The following UBE3D variants were observed in gnomAD, a reference collection of about 807,000 sequenced individuals.
The protein encoded by UBE3D is ubiquitin protein ligase E3D, also known as E3 ubiquitin-protein ligase E3D.
UBE3D carries 48 observed loss-of-function variants against 49.6 expected under a neutral mutation model. That is an observed-to-expected ratio of 0.97 (90% CI 0.77 to 1.23). UBE3D has a LOEUF of 1.23. Among genes scored for constraint, UBE3D ranks in the 50% most tolerant of loss-of-function variants. The pLI is 0.00. For synonymous variants in UBE3D, 189 were observed against 174.2 expected, an observed-to-expected ratio of 1.08 and a Z score of -0.67; for missense variants, 452 against 468.4, an observed-to-expected ratio of 0.96 and a Z score of 0.32.
chr6:82,922,852 A>C (rs1017617430), intron 9 of UBE3D, among the ~76,000 whole-genome samples: 1 of 152,242 alleles, frequency 6.6e-6, no homozygotes, highest in African/African-American at 2.4e-5. Context: ...TCTACAAAGA[A>C]GGTAAACAAA....
chr6:82,986,469 TCAAAAA>T (rs1249566374), intron 8 of UBE3D, among the ~76,000 whole-genome samples: 1 of 43,782 alleles, frequency 2.3e-5, no homozygotes, highest in Non-Finnish European at 3.8e-5. Context: ...ACACTCTGTC[TCAAAAA>T]AAAAAAAAAA....
chr6:83,032,533 C>G (rs1781952620), intron 5 of UBE3D, among the ~76,000 whole-genome samples: 1 of 152,158 alleles, frequency 6.6e-6, no homozygotes, highest in Non-Finnish European at 1.5e-5. Flanking sequence ...TGCCTTGTAT[C>G]CGATGAGACT....
chr6:82,964,343 A>G (rs1724591538), intron 8 of UBE3D, among the ~76,000 whole-genome samples: 1 of 152,206 alleles, frequency 6.6e-6, no homozygotes, highest in Non-Finnish European at 1.5e-5. Flanking sequence ...TTAATGTAAC[A>G]CAGGTTAAAA....
At chr6:83,059,129 C>A (rs1295743119) in intron 1 of UBE3D, among the ~76,000 whole-genome samples, 2 of 152,060 alleles carry the variant, frequency 1.3e-5, no homozygotes, top group African/African-American at 4.8e-5. Context: ...CTCCTCTAAT[C>A]CTAGCACTTT....
chr6:83,042,424 C>A (rs1257430726), intron 4 of UBE3D, among the ~76,000 whole-genome samples: 1 of 152,170 alleles, frequency 6.6e-6, no homozygotes, highest in Non-Finnish European at 1.5e-5. Flanking sequence ...TTTTTAAAAG[C>A]AGATCTTTTT....
intron 5 of UBE3D, among the ~76,000 whole-genome samples, chr6:83,035,429 T>G (rs185897541): frequency 1.7e-3 from 264 of 152,352 alleles, no homozygotes; most frequent in Non-Finnish European, 2.4e-3. Context: ...GAGACTTTGT[T>G]ATTTGCAAAA....
chr6:83,011,545 T>C (rs1306995224), intron 8 of UBE3D, among the ~76,000 whole-genome samples: 1 of 152,206 alleles, frequency 6.6e-6, no homozygotes, highest in Non-Finnish European at 1.5e-5. Context: ...GGATCTCCTG[T>C]ATTTCATGCA....
intron 5 of UBE3D, chr6:83,037,104 A>G (rs1782318527): frequency 6.6e-6 from 1 of 152,294 alleles, no homozygotes; most frequent in African/African-American, 2.4e-5. Flanking sequence ...TAGTAGCTGT[A>G]TATATACACT....
In UBE3D at chr6:83,044,472, G is replaced by A; in HGVS notation, c.553C>T (p.Pro185Ser). The change falls in exon 4 of 10, where the codon CCA becomes TCA. Residue 185 changes from proline (P) to serine (S), a missense_variant. Pro to Ser is a moderately conservative substitution (Grantham distance 74). Transcript: ENST00000369747. ...GAAGAAACACAGCACATCTCCACTG[G>A]GGATAGTTCAGGTCTTTGCTGCCAC... ...SLWQQRPELS[P>S]VEMCCVSSDN... The A allele has an allele frequency of 1.2e-6, 2 of 1,614,028 alleles. No homozygotes were observed. The highest frequency in any genetic ancestry group is 1.6e-4 in the Middle Eastern group (1 of 6,062).
At chr6:83,059,136 C>G (rs1784002919) in intron 1 of UBE3D, among the ~76,000 whole-genome samples, 1 of 152,068 alleles carries the variant, frequency 6.6e-6, no homozygotes, top group Non-Finnish European at 1.5e-5. Context: ...AATCCTAGCA[C>G]TTTGGGAGGC....
intron 7 of UBE3D, among the ~76,000 whole-genome samples, chr6:83,021,946 G>A (rs1781125997): frequency 6.6e-6 from 1 of 151,872 alleles, no homozygotes; most frequent in Admixed American, 6.6e-5. Context: ...ATTTTTCTCT[G>A]TATCCGTAGT....
intron 8 of UBE3D, among the ~76,000 whole-genome samples, chr6:82,977,680 A>C (rs1245155060): frequency 6.6e-6 from 1 of 152,154 alleles, no homozygotes; most frequent in African/African-American, 2.4e-5. Context: ...TCTACTAAAA[A>C]TACAAAAATT....
chr6:82,960,522 T>C (rs1399034135), intron 8 of UBE3D, among the ~76,000 whole-genome samples: 3 of 151,776 alleles, frequency 2.0e-5, no homozygotes, highest in Non-Finnish European at 4.4e-5. Context: ...TTAGAGATAT[T>C]GTCCTGTTTC....
At chr6:82,976,500 A>G (rs1300013814) in intron 8 of UBE3D, among the ~76,000 whole-genome samples, 1 of 152,172 alleles carries the variant, frequency 6.6e-6, no homozygotes, top group Non-Finnish European at 1.5e-5. Context: ...AGAAGTTTCT[A>G]AACTTCATAC....
At chr6:82,952,188 C>G (rs528693299) in intron 9 of UBE3D, among the ~76,000 whole-genome samples, 37 of 152,138 alleles carry the variant, frequency 2.4e-4, no homozygotes, top group Non-Finnish European at 4.3e-4. Flanking sequence ...TAGGGGTTCT[C>G]GAGCCAGGCC....
chr6:82,936,107 G>C (rs1774553582), intron 9 of UBE3D, among the ~76,000 whole-genome samples: 1 of 152,106 alleles, frequency 6.6e-6, no homozygotes, highest in African/African-American at 2.4e-5. Context: ...TAAGGTCTTT[G>C]CTTGTTTAAA....
chr6:83,041,143 T>C (rs866595860), intron 4 of UBE3D, among the ~76,000 whole-genome samples: 80 of 152,354 alleles, frequency 5.3e-4, no homozygotes, highest in African/African-American at 1.8e-3. Context: ...GGTATTGTAA[T>C]AGCAATGCTT....
chr6:82,902,726 T>C (rs1771827055), intron 9 of UBE3D, among the ~76,000 whole-genome samples: 1 of 152,078 alleles, frequency 6.6e-6, no homozygotes, highest in Non-Finnish European at 1.5e-5. Flanking sequence ...CATACACAGG[T>C]GATAAAATTG....
intron 1 of UBE3D, among the ~76,000 whole-genome samples, chr6:83,059,057 A>G (rs2127852077): frequency 6.6e-6 from 1 of 152,280 alleles, no homozygotes; most frequent in Admixed American, 6.5e-5. Flanking sequence ...TACATATTAT[A>G]CTTTTTATTT....
Sources: allele counts gnomAD v4.1 joint callset (sites outside exome capture counted in the v4.1 genomes callset), GRCh38; gene constraint gnomAD v4.1.1; transcripts MANE v1.5; gene names NCBI Gene and HGNC (gene_info 2026-07-23, HGNC 2026-07-21).